NUBPL: variants seen among roughly 807,000 people sequenced by gnomAD.
NUBPL encodes the protein NUBP iron-sulfur cluster assembly factor, mitochondrial, also known as iron-sulfur cluster transfer protein NUBPL.
A neutral mutation model predicts 45.7 loss-of-function variants in NUBPL; 31 were observed. The ratio of observed to expected loss-of-function variants is 0.68; its 90% CI spans 0.51 to 0.92. The LOEUF (loss-of-function observed/expected upper bound fraction) is 0.92. Among genes scored for constraint, NUBPL ranks in the 40% least tolerant of loss-of-function variants. NUBPL has a pLI of 0.00. For synonymous variants in NUBPL, 144 were observed against 140.9 expected (o/e 1.02, Z -0.15); for missense variants, 401 against 398.7 (o/e 1.01, Z -0.05).
chr14:31,708,806 G>A (rs573559809), intron 6 of NUBPL, among the ~76,000 whole-genome samples: 1 of 152,164 alleles, frequency 6.6e-6, no homozygotes, highest in Non-Finnish European at 1.5e-5. Flanking sequence ...CTGGTTGGGG[G>A]CCTCTGACCC....
At chr14:31,856,786 G>A (rs1227417270) in intron 10 of NUBPL, among the ~76,000 whole-genome samples, 1 of 152,196 alleles carries the variant, frequency 6.6e-6, no homozygotes, top group Non-Finnish European at 1.5e-5. Flanking sequence ...TGATGCAAGA[G>A]GTGAGTTCCC....
chr14:31,766,868 C>G (rs2038921609), intron 6 of NUBPL, among the ~76,000 whole-genome samples: 1 of 152,040 alleles, frequency 6.6e-6, no homozygotes, highest in Non-Finnish European at 1.5e-5. Flanking sequence ...GAGTCTGATT[C>G]ATTAGAAGTT....
intron 6 of NUBPL, among the ~76,000 whole-genome samples, chr14:31,710,499 G>A (rs1358657450): frequency 2.0e-5 from 3 of 152,118 alleles, no homozygotes; most frequent in African/African-American, 7.2e-5. Context: ...CCTTACTGAC[G>A]CATTCTCGAA....
intron 6 of NUBPL, among the ~76,000 whole-genome samples, chr14:31,728,077 T>C (rs1157027446): frequency 6.6e-6 from 1 of 152,152 alleles, no homozygotes; most frequent in Non-Finnish European, 1.5e-5. Flanking sequence ...GCATAAAACC[T>C]GTATAGAAGC....
At chr14:31,743,908 C>G (rs1283787023) in intron 6 of NUBPL, among the ~76,000 whole-genome samples, 1 of 152,080 alleles carries the variant, frequency 6.6e-6, no homozygotes, top group Non-Finnish European at 1.5e-5. Context: ...ATGAAAGAGC[C>G]CCGCTCTTCA....
intron 4 of NUBPL, among the ~76,000 whole-genome samples, chr14:31,648,387 C>T (rs34979589): frequency 2.6e-4 from 39 of 152,202 alleles, no homozygotes; most frequent in Non-Finnish European, 3.2e-4. Context: ...CTGGAAGAAG[C>T]GCCTAGGTCC....
chr14:31,647,799 C>A (rs906715475), intron 4 of NUBPL, among the ~76,000 whole-genome samples: 2 of 152,204 alleles, frequency 1.3e-5, no homozygotes, highest in Non-Finnish European at 2.9e-5. Context: ...AACTGATTGT[C>A]CACTTTGAAC....
At chr14:31,729,283 C>A (rs974231739) in intron 6 of NUBPL, among the ~76,000 whole-genome samples, 1 of 144,672 alleles carries the variant, frequency 6.9e-6, no homozygotes, top group African/African-American at 2.5e-5. Flanking sequence ...CATCCCCCCC[C>A]CCCCCAAAAA....
intron 4 of NUBPL, among the ~76,000 whole-genome samples, chr14:31,670,000 A>G (rs2036534975): frequency 6.6e-6 from 1 of 152,008 alleles, no homozygotes; most frequent in African/African-American, 2.4e-5. Flanking sequence ...TATGCCCAGT[A>G]ATGGGATTGC....
intron 4 of NUBPL, among the ~76,000 whole-genome samples, chr14:31,659,407 T>C (rs2036216477): frequency 6.6e-6 from 1 of 152,206 alleles, no homozygotes; most frequent in Non-Finnish European, 1.5e-5. Flanking sequence ...GGAAGAATGC[T>C]ATGATCAATT....
intron 6 of NUBPL, among the ~76,000 whole-genome samples, chr14:31,681,954 C>T (rs77741593): frequency 0.011 from 1,710 of 152,158 alleles, 28 homozygotes; most frequent in African/African-American, 0.039. Context: ...CACCAGCATG[C>T]GATCCATCTT....
intron 6 of NUBPL, among the ~76,000 whole-genome samples, chr14:31,686,984 T>C (rs571057830): frequency 1.3e-5 from 2 of 152,192 alleles, no homozygotes; most frequent in Non-Finnish European, 2.9e-5. Context: ...CATGGTTGCA[T>C]GTACCAGTAG....
At chr14:31,804,768 C>T (rs2039653196) in intron 7 of NUBPL, among the ~76,000 whole-genome samples, 1 of 152,124 alleles carries the variant, frequency 6.6e-6, no homozygotes, top group Non-Finnish European at 1.5e-5. Context: ...TCCCTTACAC[C>T]ATATACAAAA....
chr14:31,681,612 T>A (rs1402719847), intron 6 of NUBPL, among the ~76,000 whole-genome samples: 1 of 152,030 alleles, frequency 6.6e-6, no homozygotes, highest in Non-Finnish European at 1.5e-5. Flanking sequence ...ACCCTTCTTT[T>A]TCTAGCTCTT....
chr14:31,562,342 T>C, intron 2 of NUBPL, 127 bp downstream of exon 2: 1 of 929,978 alleles, frequency 1.1e-6, no homozygotes, highest in Non-Finnish European at 1.6e-6. Context: ...GATTCCTTAG[T>C]TTCAGGAGTT....
intron 6 of NUBPL, among the ~76,000 whole-genome samples, chr14:31,758,184 C>G (rs1050083081): frequency 9.9e-5 from 15 of 152,258 alleles, no homozygotes; most frequent in African/African-American, 3.4e-4. Context: ...TCTTGACTAT[C>G]TTGTTCACTG....
At chr14:31,705,295 A>G (rs1271681791) in intron 6 of NUBPL, among the ~76,000 whole-genome samples, 1 of 152,228 alleles carries the variant, frequency 6.6e-6, no homozygotes, top group African/African-American at 2.4e-5. Flanking sequence ...GAGCATCAGC[A>G]AGATTTATTG....
At position 31,787,772 on chromosome 14, in the gene NUBPL, C is replaced by CT; in HGVS notation, c.514-3dup. The CT allele has an allele frequency of 6.3e-7, 1 of 1,580,286 alleles. No individual in the cohort carries two copies. The highest frequency in any genetic ancestry group is 8.7e-7 in the Non-Finnish European group (1 of 1,149,262). On this transcript the variant is annotated splice_region_variant and splice_polypyrimidine_tract_variant and intron_variant, in intron 6 of 10. Coordinates refer to ENST00000281081, the MANE Select transcript of NUBPL (RefSeq NM_025152.3). ...TATACAATGATATAATCTATGTCAT[C>CT]TTTTTAGGTAGATTGGGGTCAACTG... is the stretch of plus-strand genomic sequence containing the variant.
chr14:31,690,492 A>G (rs1206803554), intron 6 of NUBPL, among the ~76,000 whole-genome samples: 1 of 152,146 alleles, frequency 6.6e-6, no homozygotes, highest in Non-Finnish European at 1.5e-5. Context: ...CAAACACAAC[A>G]TCTTTAATGT....
Sources: allele counts gnomAD v4.1 joint callset (sites outside exome capture counted in the v4.1 genomes callset), GRCh38; gene constraint gnomAD v4.1.1; transcripts MANE v1.5; gene names NCBI Gene and HGNC (gene_info 2026-07-23, HGNC 2026-07-21).